PTPRD: variants seen among roughly 807,000 people sequenced by gnomAD.
The protein encoded by PTPRD is protein tyrosine phosphatase receptor type D.
In PTPRD, 34 loss-of-function variants were observed where a neutral mutation model predicts 214.5. That is an observed-to-expected ratio of 0.16 (90% CI 0.12 to 0.21). The LOEUF (loss-of-function observed/expected upper bound fraction) is 0.21, where lower values mean the gene tolerates loss of function less well. Among genes scored for constraint, PTPRD ranks in the 10% least tolerant of loss-of-function variants. The probability of loss-of-function intolerance (pLI) is 1.00; values close to 1 mark genes in which losing one functional copy is unlikely to be tolerated. For missense variants in PTPRD, 2,545 were observed against 2,398.7 expected, an observed-to-expected ratio of 1.06 and a Z score of -1.27; for synonymous variants, 1,128 against 845.7, an observed-to-expected ratio of 1.33 and a Z score of -5.79.
At chr9:8,331,875 A>C in intron 43 of PTPRD, 139 bp from the exon 44 acceptor site, 1 of 994,008 alleles carries the variant, frequency 1.0e-6, no homozygotes, top group East Asian at 2.8e-5. Context: ...TTTAAATAGA[A>C]ACTTAGTTAT....
At chr9:10,386,046 C>A (rs1048664181) in intron 2 of PTPRD, among the ~76,000 whole-genome samples, 4 of 151,314 alleles carry the variant, frequency 2.6e-5, no homozygotes, top group Non-Finnish European at 4.4e-5. Flanking sequence ...ATATACTGAC[C>A]CAATTTTTCG....
intron 7 of PTPRD, among the ~76,000 whole-genome samples, chr9:9,708,696 A>G (rs1167820638): frequency 1.3e-5 from 2 of 152,014 alleles, no homozygotes; most frequent in Non-Finnish European, 2.9e-5. Context: ...AAAAAGAGAG[A>G]TAAGTCTATA....
In PTPRD at chr9:9,580,547, C is replaced by CTTTTTTTT. The variant is rs1176394314; in HGVS notation, c.-286-5774_-286-5767dup. Among the ~76,000 whole-genome samples, 10 of 123,090 alleles carry CTTTTTTTT rather than the reference C, an allele frequency of 8.1e-5. 1 individual carries two copies. The highest frequency in any genetic ancestry group is 1.0e-4 in the Non-Finnish European group (6 of 59,308). 80.8% of individuals were successfully genotyped at this position (123,090 alleles called of 152,430 possible). On this transcript the variant is annotated intron_variant, in intron 7 of 45. Transcript: ENST00000381196. ...TCATGTCCTTAGCTTACTTTATTTT[C>CTTTTTTTT]TTTTTTTTTTTTTTTTTTTGAGACA...
intron 39 of PTPRD, among the ~76,000 whole-genome samples, chr9:8,350,392 T>C (rs528109447): frequency 6.6e-6 from 1 of 152,188 alleles, no homozygotes; most frequent in South Asian, 2.1e-4. Context: ...TGTGAGCATT[T>C]TGTACATATG....
At chr9:9,465,908 C>G (rs1207213031) in intron 8 of PTPRD, among the ~76,000 whole-genome samples, 1 of 151,824 alleles carries the variant, frequency 6.6e-6, no homozygotes, top group Non-Finnish European at 1.5e-5. Context: ...TCGGCCACAA[C>G]CATTGCAATA....
At chr9:10,031,647 T>TATATATATATATATATAC in intron 4 of PTPRD, among the ~76,000 whole-genome samples, 4 of 89,650 alleles carry the variant, frequency 4.5e-5, no homozygotes, top group African/African-American at 3.2e-4. Flanking sequence ...TATATATATA[T>TATATATATATATATATAC]ACACACACAC....
At chr9:10,385,329 G>C (rs2097895965) in intron 2 of PTPRD, among the ~76,000 whole-genome samples, 1 of 151,674 alleles carries the variant, frequency 6.6e-6, no homozygotes, top group Admixed American at 6.6e-5. Flanking sequence ...AGGACTATTA[G>C]AGTCTAATTA....
At chr9:9,152,445 G>A (rs989567604) in intron 10 of PTPRD, among the ~76,000 whole-genome samples, 4 of 152,070 alleles carry the variant, frequency 2.6e-5, no homozygotes, top group African/African-American at 7.2e-5. Flanking sequence ...AAGTCTCAAG[G>A]GGGAAATTAT....
rs185654727 is a variant in PTPRD at position 8,673,568 on chromosome 9, G to A, written c.65-36724C>T. Among the ~76,000 whole-genome samples, 11 of 152,212 alleles carry A rather than the reference G, an allele frequency of 7.2e-5. No individual in the cohort carries two copies. In the East Asian group the frequency reaches 1.9e-3, roughly 27 times the overall value. On this transcript the variant is annotated intron_variant, in intron 12 of 45. Coordinates refer to ENST00000381196, the MANE Select transcript of PTPRD (RefSeq NM_002839.4). ...ACAGCTGGGTAATGGTTACTAAGAT[G>A]ACTTTGCCTCTTCCTTCTATTCCAT...
Position 10,188,151 on chromosome 9 carries a change from A to G in PTPRD, c.-545+152812T>C, listed in dbSNP as rs187489866. 3.3e-5 allele frequency among the ~76,000 whole-genome samples: 5 copies of G among 152,286 alleles called. No individual in the cohort carries two copies. In the East Asian group the frequency reaches 9.6e-4, roughly 29 times the overall value. On this transcript the variant is annotated intron_variant, in intron 3 of 45. Coordinates refer to ENST00000381196, the MANE Select transcript of PTPRD (RefSeq NM_002839.4). ...CATTTCATTTATGCGGTTTGTCCCA[A>G]TGAGTAATGCTATTCACCCTTTTCC...
chr9:9,282,880 T>C (rs140039795), intron 9 of PTPRD, among the ~76,000 whole-genome samples: 2 of 151,616 alleles, frequency 1.3e-5, no homozygotes, highest in African/African-American at 2.4e-5. Context: ...GAGCACATTA[T>C]AAGTTGTCAT....
chr9:9,496,815 C>T (rs912176810), intron 8 of PTPRD, among the ~76,000 whole-genome samples: 2 of 152,158 alleles, frequency 1.3e-5, no homozygotes, highest in Non-Finnish European at 2.9e-5. Flanking sequence ...TGTTTAGTGG[C>T]ATTATTCACA....
At chr9:9,955,038 T>C (rs1011348753) in intron 4 of PTPRD, among the ~76,000 whole-genome samples, 4 of 152,152 alleles carry the variant, frequency 2.6e-5, no homozygotes, top group African/African-American at 9.7e-5. Context: ...CAGGTCAAAC[T>C]AAATGCTAAA....
chr9:9,732,865 C>A (rs2098223242), intron 7 of PTPRD, among the ~76,000 whole-genome samples: 1 of 151,662 alleles, frequency 6.6e-6, no homozygotes, highest in African/African-American at 2.4e-5. Flanking sequence ...AGGAGGATTT[C>A]TTGAACCCAG....
intron 5 of PTPRD, among the ~76,000 whole-genome samples, chr9:9,830,651 T>C (rs1000435302): frequency 6.6e-6 from 1 of 151,908 alleles, no homozygotes; most frequent in African/African-American, 2.4e-5. Context: ...GCCAAGATCA[T>C]TCATAATCTT....
chr9:10,416,084 A>G (rs1057009591), intron 2 of PTPRD, among the ~76,000 whole-genome samples: 4 of 151,894 alleles, frequency 2.6e-5, no homozygotes, highest in Admixed American at 1.3e-4. Context: ...ATGGTGGCTC[A>G]TGCCTGTAAT....
chr9:8,557,502 G>A (rs1187703781), intron 14 of PTPRD, among the ~76,000 whole-genome samples: 4 of 145,026 alleles, frequency 2.8e-5, no homozygotes, highest in Non-Finnish European at 4.5e-5. Context: ...CAGCACTTTC[G>A]GAGGCCAATG....
intron 2 of PTPRD, among the ~76,000 whole-genome samples, chr9:10,519,783 T>C (rs1026618555): frequency 6.6e-6 from 1 of 152,132 alleles, no homozygotes; most frequent in Non-Finnish European, 1.5e-5. Context: ...ATCTTTGATG[T>C]TACTATTGTC....
intron 8 of PTPRD, among the ~76,000 whole-genome samples, chr9:9,466,888 C>G (rs531855481): frequency 2.0e-5 from 3 of 152,054 alleles, no homozygotes; most frequent in Middle Eastern, 3.4e-3. Flanking sequence ...TTTGTTCTTG[C>G]ATGTAAGTTT....
Sources: gnomAD v4.1 joint callset for allele counts (sites outside exome capture counted in the v4.1 genomes callset) on GRCh38, gnomAD v4.1.1 for gene constraint, MANE v1.5 for transcripts, NCBI Gene and HGNC (gene_info 2026-07-23, HGNC 2026-07-21) for gene names.